EPHA4: variants seen among roughly 807,000 people sequenced by gnomAD.
EPHA4 encodes ephrin type-A receptor 4.
Under a neutral mutation model 108.3 loss-of-function variants are expected in EPHA4, and 19 were observed. That is an observed-to-expected ratio of 0.18 (90% confidence interval 0.12 to 0.26). The LOEUF (loss-of-function observed/expected upper bound fraction) is 0.26, where lower values mean the gene tolerates loss of function less well. Ranked by LOEUF, EPHA4 falls within the 10% of genes least tolerant of loss-of-function variation. The pLI, the probability that EPHA4 is intolerant of heterozygous loss-of-function variation, is 1.00. For synonymous variants in EPHA4, 449 were observed against 455.5 expected (o/e 0.99, Z 0.18); for missense variants, 917 against 1,254.0 (o/e 0.73, Z 4.06).
intron 6 of EPHA4, 128 bp from the exon 7 acceptor site, chr2:221,456,900 C>A: frequency 1.1e-6 from 1 of 920,058 alleles, no homozygotes; most frequent in Non-Finnish European, 1.6e-6. Flanking sequence ...TGAATAAACT[C>A]TCTGGAGCCT....
At chr2:221,533,603 C>G (rs905998912) in intron 3 of EPHA4, among the ~76,000 whole-genome samples, 1 of 151,772 alleles carries the variant, frequency 6.6e-6, no homozygotes, top group African/African-American at 2.4e-5. Flanking sequence ...GCACGCTGAA[C>G]GAGTTCCAGT....
chr2:221,544,246 G>A (rs1369778039), intron 3 of EPHA4, among the ~76,000 whole-genome samples: 4 of 152,222 alleles, frequency 2.6e-5, no homozygotes, highest in African/African-American at 9.6e-5. Context: ...CCACACAGGT[G>A]TGAACACAGA....
chr2:221,533,725 C>CAAAAAAA (rs144676444), intron 3 of EPHA4, among the ~76,000 whole-genome samples: 2 of 63,480 alleles, frequency 3.2e-5, no homozygotes, highest in Non-Finnish European at 5.6e-5. Context: ...TGACTAGTGT[C>CAAAAAAA]AAAAAAAAAA....
At chr2:221,538,772 C>T (rs773720456) in intron 3 of EPHA4, among the ~76,000 whole-genome samples, 5 of 152,078 alleles carry the variant, frequency 3.3e-5, no homozygotes, top group Non-Finnish European at 4.4e-5. Context: ...ATGATGTATT[C>T]GGTGAGTATG....
intron 4 of EPHA4, among the ~76,000 whole-genome samples, chr2:221,494,911 GA>G (rs1337189017): frequency 1.5e-5 from 2 of 132,826 alleles, no homozygotes; most frequent in Non-Finnish European, 3.1e-5. Context: ...TCCCTGTTAA[GA>G]AAAGATTCAT....
chr2:221,437,852 G>A (rs1049970427), intron 11 of EPHA4, among the ~76,000 whole-genome samples: 1 of 152,006 alleles, frequency 6.6e-6, no homozygotes, highest in African/African-American at 2.4e-5. Flanking sequence ...GAACTCGGGA[G>A]GCCAAGGTTG....
At chr2:221,550,768 T>C (rs546313826) in intron 3 of EPHA4, among the ~76,000 whole-genome samples, 4 of 152,240 alleles carry the variant, frequency 2.6e-5, no homozygotes, top group Admixed American at 6.5e-5. Flanking sequence ...TTCAAAAGAA[T>C]TTGTCAAAAT....
In EPHA4 at chr2:221,459,200, T is replaced by C. The variant is rs114911024; in HGVS notation, c.1319-1210A>G. Among the ~76,000 whole-genome samples, 903 of 151,594 alleles carry C rather than the reference T, an allele frequency of 6.0e-3. 9 individuals carry two copies. Among genetic ancestry groups the C allele is most frequent in the African/African-American group, 0.021 (859 of 41,300 alleles). ...GACACACCATAGTCACACAAGGGAGTCTTCCAGCTAAATCCAGTACGGTAG... is the reference window on the plus strand; with the variant it reads ...GACACACCATAGTCACACAAGGGAGCCTTCCAGCTAAATCCAGTACGGTAG... On this transcript the variant is annotated intron_variant, in intron 5 of 17. Coordinates refer to ENST00000281821, the MANE Select transcript of EPHA4 (RefSeq NM_004438.5).
intron 5 of EPHA4, among the ~76,000 whole-genome samples, chr2:221,471,680 A>G (rs1319533082): frequency 6.6e-6 from 1 of 152,120 alleles, no homozygotes; most frequent in African/African-American, 2.4e-5. Context: ...TACATAATAT[A>G]AGGGTTTCTT....
chr2:221,569,073 A>C (rs1459478532), intron 1 of EPHA4, among the ~76,000 whole-genome samples: 1 of 152,232 alleles, frequency 6.6e-6, no homozygotes, highest in African/African-American at 2.4e-5. Context: ...CTGAAGTACA[A>C]TTCAAAAAGA....
At chr2:221,482,331 T>C in intron 5 of EPHA4, 21 bp downstream of exon 5, 1 of 1,565,696 alleles carries the variant, frequency 6.4e-7, no homozygotes, top group Non-Finnish European at 8.7e-7. Context: ...GATCATACAA[T>C]AAAGTAGATT....
rs71432650 is a variant in EPHA4, at chr2:221,474,985, C to G, written c.1318+7367G>C. ...CTGGGTTCAAGCAATTCTCGTGTGCCTCAGTCTCCTGAGTAGCTGGGATTA... is the reference window on the plus strand; with the variant it reads ...CTGGGTTCAAGCAATTCTCGTGTGCGTCAGTCTCCTGAGTAGCTGGGATTA... On this transcript the variant is annotated intron_variant, in intron 5 of 17. Transcript: ENST00000281821. Among the ~76,000 whole-genome samples the G allele has an allele frequency of 3.9e-3, 591 of 152,222 alleles. 2 individuals carry two copies. The highest frequency in any genetic ancestry group is 7.1e-3 in the Non-Finnish European group (481 of 68,016).
intron 4 of EPHA4, among the ~76,000 whole-genome samples, chr2:221,495,164 G>A (rs1463218005): frequency 6.6e-6 from 1 of 152,206 alleles, no homozygotes; most frequent in Non-Finnish European, 1.5e-5. Flanking sequence ...CACAGTGAGT[G>A]CATTTGGTTG....
chr2:221,520,420 T>C (rs113416074), intron 3 of EPHA4, among the ~76,000 whole-genome samples: 1 of 152,162 alleles, frequency 6.6e-6, no homozygotes, highest in African/African-American at 2.4e-5. Flanking sequence ...TACAAACACA[T>C]ATATGTGTCT....
intron 3 of EPHA4, among the ~76,000 whole-genome samples, chr2:221,528,554 G>C (rs564815608): frequency 6.6e-6 from 1 of 152,256 alleles, no homozygotes; most frequent in Admixed American, 6.5e-5. Context: ...GTCTTGCAGT[G>C]CTTGTTTAGA....
At chr2:221,498,045 T>G (rs757117772) in intron 4 of EPHA4, among the ~76,000 whole-genome samples, 4 of 152,224 alleles carry the variant, frequency 2.6e-5, no homozygotes, top group Non-Finnish European at 4.4e-5. Context: ...ACAGCCTTAT[T>G]ACACATACAT....
At chr2:221,567,579 A>G (rs902398983) in intron 2 of EPHA4, among the ~76,000 whole-genome samples, 2 of 152,210 alleles carry the variant, frequency 1.3e-5, no homozygotes, top group African/African-American at 4.8e-5. Flanking sequence ...AAAAATAGGA[A>G]GACAGGGCAA....
At chr2:221,500,682 C>T (rs1041627332) in intron 4 of EPHA4, among the ~76,000 whole-genome samples, 7 of 152,148 alleles carry the variant, frequency 4.6e-5, no homozygotes, top group African/African-American at 1.2e-4. Flanking sequence ...TTTCTCCTGC[C>T]AGTTGTCAAG....
At chr2:221,539,468 A>T (rs1296899682) in intron 3 of EPHA4, among the ~76,000 whole-genome samples, 1 of 152,170 alleles carries the variant, frequency 6.6e-6, no homozygotes, top group Non-Finnish European at 1.5e-5. Context: ...GAAGAAAAAA[A>T]TGATGCTTCT....
Sources: allele counts gnomAD v4.1 joint callset (sites outside exome capture counted in the v4.1 genomes callset), GRCh38; gene constraint gnomAD v4.1.1; transcripts MANE v1.5; gene names NCBI Gene and HGNC (gene_info 2026-07-23, HGNC 2026-07-21).